CSNK1G1: variants seen among roughly 807,000 people sequenced by gnomAD.
CSNK1G1 encodes the protein casein kinase I isoform gamma-1.
Under a neutral mutation model 59.6 loss-of-function variants are expected in CSNK1G1, and 22 were observed. That is an observed-to-expected ratio of 0.37 (90% confidence interval 0.26 to 0.53). CSNK1G1 has a LOEUF of 0.53. Ranked by LOEUF, CSNK1G1 falls within the 20% of genes least tolerant of loss-of-function variation. CSNK1G1 has a pLI of 0.89. For synonymous variants in CSNK1G1, 179 were observed against 177.1 expected, an observed-to-expected ratio of 1.01 and a Z score of -0.08; for missense variants, 384 against 519.5, an observed-to-expected ratio of 0.74 and a Z score of 2.54.
chr15:64,232,385 A>G (rs953480503), intron 4 of CSNK1G1, among the ~76,000 whole-genome samples: 1 of 152,220 alleles, frequency 6.6e-6, no homozygotes, highest in Non-Finnish European at 1.5e-5. Flanking sequence ...GGAGTTATCT[A>G]TCTTTAAATA....
intron 8 of CSNK1G1, 80 bp from the exon 9 acceptor site, chr15:64,204,669 A>C (rs1041700237): frequency 2.9e-5 from 42 of 1,441,964 alleles, no homozygotes; most frequent in Non-Finnish European, 3.3e-5. Flanking sequence ...TGGGCCACAA[A>C]GGGGTTATTT....
At position 64,188,848 on chromosome 15, in the gene CSNK1G1, T is replaced by C. The variant is rs1321667042; in HGVS notation, c.1108-8394A>G. On this transcript the variant is annotated intron_variant, in intron 10 of 11. Coordinates refer to ENST00000303052, the MANE Select transcript of CSNK1G1 (RefSeq NM_022048.5). The surrounding 1 kb of genome is among the most constrained non-coding windows in gnomAD (Gnocchi z 4.2). ...GATCAAACTCAGAATGTTAAGATTG[T>C]TCGGAGTGGTGGCATACGCCTATAA... 6.6e-6 allele frequency among the ~76,000 whole-genome samples: 1 copy of C among 151,994 alleles called. No individual in the cohort carries two copies.
intron 2 of CSNK1G1, among the ~76,000 whole-genome samples, chr15:64,259,769 T>TGCTTACAAGCA: frequency 6.6e-6 from 1 of 152,292 alleles, no homozygotes; most frequent in Admixed American, 6.5e-5. Context: ...ATCTACTGCT[T>TGCTTACAAGCA]GTAAGGAGAT....
At position 64,171,640 on chromosome 15, in the gene CSNK1G1, C is replaced by A; in HGVS notation, c.*291G>T. 1 of 478,946 alleles carries A rather than the reference C, an allele frequency of 2.1e-6. No homozygotes were observed. The highest frequency in any genetic ancestry group is 3.8e-6 in the Non-Finnish European group (1 of 265,510). The allele number at this position is 478,946 out of a possible 1,614,324, so 29.7% of individuals were successfully genotyped here. ...AGTCCTTGAGTTTTTGTGAATGACACCTTCACTGTAAACAATGGGAAGGAG... is the reference window on the plus strand; with the variant it reads ...AGTCCTTGAGTTTTTGTGAATGACAACTTCACTGTAAACAATGGGAAGGAG... On this transcript the variant is annotated 3_prime_UTR_variant, in exon 12 of 12. Transcript: ENST00000303052. The surrounding 1 kb of genome is among the most constrained non-coding windows in gnomAD (Gnocchi z 4.8).
chr15:64,296,508 ATCT>A (rs1895029685), intron 2 of CSNK1G1, among the ~76,000 whole-genome samples: 3 of 152,228 alleles, frequency 2.0e-5, no homozygotes. Flanking sequence ...CAAAAACTAT[ATCT>A]TCTTATTTCT....
At chr15:64,303,242 A>G (rs1895461067) in intron 1 of CSNK1G1, among the ~76,000 whole-genome samples, 1 of 142,880 alleles carries the variant, frequency 7.0e-6, no homozygotes, top group Middle Eastern at 3.5e-3. Context: ...CCCTGTCTCT[A>G]AAAAAAAAAA....
rs1161562714 is a variant in CSNK1G1, at chr15:64,210,197, C to T, written c.680-2603G>A. ...TCTAGATCTTGGTTTATCCTTTCCA[C>T]TAATTTAATCCAGTGAAATTAAGCA... On this transcript the variant is annotated intron_variant, in intron 6 of 11. Transcript: ENST00000303052. This position sits in a 1 kb window ranked among gnomAD's most constrained non-coding sequence, Gnocchi z 4.2. Among the ~76,000 whole-genome samples, 2 of 152,148 alleles carry T rather than the reference C, an allele frequency of 1.3e-5. No homozygotes were observed. The highest frequency in any genetic ancestry group is 3.9e-4 in the East Asian group (2 of 5,194).
At chr15:64,286,440 A>G (rs1290512470) in intron 2 of CSNK1G1, among the ~76,000 whole-genome samples, 1 of 150,092 alleles carries the variant, frequency 6.7e-6, no homozygotes, top group Non-Finnish European at 1.5e-5. Flanking sequence ...CAGTACAAAC[A>G]TTAACCCAAA....
intron 1 of CSNK1G1, among the ~76,000 whole-genome samples, chr15:64,312,413 A>C (rs1466078158): frequency 1.3e-5 from 2 of 152,228 alleles, no homozygotes; most frequent in Non-Finnish European, 2.9e-5. Context: ...AGATATATAG[A>C]CCAATGGAAC....
intron 2 of CSNK1G1, among the ~76,000 whole-genome samples, chr15:64,274,497 C>A (rs1893497296): frequency 6.6e-6 from 1 of 152,212 alleles, no homozygotes; most frequent in South Asian, 2.1e-4. Context: ...TGAGCTGGCA[C>A]AATCCCAAGC....
intron 1 of CSNK1G1, among the ~76,000 whole-genome samples, chr15:64,307,718 G>A (rs1450672769): frequency 2.6e-5 from 4 of 152,088 alleles, no homozygotes; most frequent in African/African-American, 4.8e-5. Context: ...ACGGAGTCTC[G>A]CTCTGTCACC....
At chr15:64,346,427 TTTA>T (rs1897979307) in intron 1 of CSNK1G1, among the ~76,000 whole-genome samples, 122 of 13,440 alleles carry the variant, frequency 9.1e-3, no homozygotes, top group African/African-American at 0.047. Context: ...CGAGTTTTTA[TTTA>T]TTTATTTATT....
chr15:64,349,684 A>C (rs1898174797), intron 1 of CSNK1G1, among the ~76,000 whole-genome samples: 1 of 152,176 alleles, frequency 6.6e-6, no homozygotes, highest in Non-Finnish European at 1.5e-5. Flanking sequence ...CTCTGAGATG[A>C]CTGAGTCTTT....
chr15:64,211,036 C>G (rs2082243507), intron 6 of CSNK1G1, among the ~76,000 whole-genome samples: 1 of 152,186 alleles, frequency 6.6e-6, no homozygotes, highest in Admixed American at 6.5e-5. Flanking sequence ...ATGCAGATGC[C>G]AGTGCCATGC....
intron 10 of CSNK1G1, among the ~76,000 whole-genome samples, chr15:64,193,257 C>T (rs974357499): frequency 3.3e-5 from 5 of 151,858 alleles, no homozygotes; most frequent in African/African-American, 4.8e-5. Flanking sequence ...TTTAGGAGGC[C>T]GAGGTGGGTG....
intron 11 of CSNK1G1, among the ~76,000 whole-genome samples, chr15:64,177,501 AG>A (rs1389558125): frequency 6.6e-6 from 1 of 152,182 alleles, no homozygotes; most frequent in African/African-American, 2.4e-5. Flanking sequence ...AAATGCCCTA[AG>A]CCATGAGCTT....
At chr15:64,180,491 T>G in intron 10 of CSNK1G1, 37 bp from the exon 11 acceptor site, 1 of 1,534,330 alleles carries the variant, frequency 6.5e-7, no homozygotes, top group Non-Finnish European at 9.0e-7. Flanking sequence ...ACAGGCACCA[T>G]GGCAACAGAA....
chr15:64,242,563 C>A (rs1891529915), intron 4 of CSNK1G1, among the ~76,000 whole-genome samples: 1 of 152,204 alleles, frequency 6.6e-6, no homozygotes, highest in Admixed American at 6.5e-5. Context: ...GCCAATTAAA[C>A]CTCTTTTCTT....
chr15:64,212,478 G>T lies in CSNK1G1; in HGVS notation c.679+1412C>A, dbSNP rs190774039. Among the ~76,000 whole-genome samples, 333 of 152,298 alleles carry T rather than the reference G, an allele frequency of 2.2e-3. 1 individual carries two copies. The highest frequency in any genetic ancestry group is 3.9e-3 in the Admixed American group (60 of 15,294). On this transcript the variant is annotated intron_variant, in intron 6 of 11. Transcript: ENST00000303052. ...ATCTATAATCCCAGTGTGTTGGGAG[G>T]CTGAGGCAACAGGATCTCTTGAAAC...
Sources: allele counts gnomAD v4.1 joint callset (sites outside exome capture counted in the v4.1 genomes callset), GRCh38; gene constraint gnomAD v4.1.1; non-coding constraint Gnocchi (gnomAD v3.1); transcripts MANE v1.5; gene names NCBI Gene and HGNC (gene_info 2026-07-23, HGNC 2026-07-21).